The following DAB1 variants were observed in gnomAD, a reference collection of about 807,000 sequenced individuals.
DAB1 encodes the protein DAB adaptor protein 1.
Under a neutral mutation model 64.6 loss-of-function variants are expected in DAB1, and 15 were observed. The observed-to-expected ratio is 0.23, with a 90% confidence interval of 0.16 to 0.36. DAB1 has a LOEUF of 0.36. DAB1 is among the 10% of genes least tolerant of loss of function. The pLI is 1.00. For missense variants in DAB1, 596 were observed against 706.7 expected (o/e 0.84, Z 1.78); for synonymous variants, 235 against 251.9 (o/e 0.93, Z 0.64).
chr1:57,872,309 G>T (rs1314144081), intron 1 of DAB1, among the ~76,000 whole-genome samples: 1 of 152,052 alleles, frequency 6.6e-6, no homozygotes, highest in East Asian at 1.9e-4. Context: ...CTTATGAACA[G>T]AATTAGTGCC....
In DAB1 at chr1:57,868,353, T is replaced by A. The variant is rs145415076; in HGVS notation, n.87+15646A>T. Among the ~76,000 whole-genome samples, 3 of 152,298 alleles carry A rather than the reference T, an allele frequency of 2.0e-5. No individual in the cohort carries two copies. The East Asian group carries it at 5.8e-4, about 29-fold the overall frequency. On this transcript the variant is annotated intron_variant and non_coding_transcript_variant, in intron 1 of 1. Transcript: ENST00000477280. Reference sequence around the variant, plus strand: ...GCAACTAGACTGATTTCTTTCGTGCTGGGAGGTCATTTGCAATGGAAAGAT... The same window carrying A: ...GCAACTAGACTGATTTCTTTCGTGCAGGGAGGTCATTTGCAATGGAAAGAT...
intron 3 of DAB1, among the ~76,000 whole-genome samples, chr1:58,408,198 T>C (rs775089334): frequency 6.6e-6 from 1 of 152,198 alleles, no homozygotes; most frequent in Non-Finnish European, 1.5e-5. Context: ...GACCCAGTGA[T>C]CTGACAGAGA....
chr1:58,469,911 T>TTTTCA (rs1336305400), intron 3 of DAB1, among the ~76,000 whole-genome samples: 2 of 151,996 alleles, frequency 1.3e-5, no homozygotes, highest in Non-Finnish European at 2.9e-5. Context: ...TTTAAATTTG[T>TTTTCA]GAAATTCTTT....
At position 57,322,014 on chromosome 1, in the gene DAB1, T is replaced by G. The variant is rs144694481; in HGVS notation, c.-136-30848A>C. On this transcript the variant is annotated intron_variant, in intron 1 of 14. Coordinates refer to ENST00000371236, the MANE Select transcript of DAB1 (RefSeq NM_001365792.1). ...TCTCACTGGCACAAAGTCTTTCCGATGTTGAGCCAAAATCTGCCTCCATGA... is the reference window on the plus strand; with the variant it reads ...TCTCACTGGCACAAAGTCTTTCCGAGGTTGAGCCAAAATCTGCCTCCATGA... Among the ~76,000 whole-genome samples, 12 of 152,298 alleles carry G rather than the reference T, an allele frequency of 7.9e-5. No individual in the cohort carries two copies. The East Asian group carries it at 2.1e-3, about 27-fold the overall frequency.
At chr1:57,427,070 A>T (rs1044713744), upstream of DAB1, among the ~76,000 whole-genome samples, 2 of 151,840 alleles carry the variant, frequency 1.3e-5, no homozygotes, top group African/African-American at 4.8e-5. Context: ...TCACTGTGTT[A>T]GCCAGGATGG....
intron 7 of DAB1, among the ~76,000 whole-genome samples, chr1:57,461,544 T>C (rs1042816811): frequency 6.6e-6 from 1 of 152,194 alleles, no homozygotes; most frequent in African/African-American, 2.4e-5. Flanking sequence ...CACATTATGT[T>C]CTACTAGGAA....
chr1:57,533,463 A>G (rs947239), intron 7 of DAB1, among the ~76,000 whole-genome samples: 107,563 of 150,906 alleles, frequency 0.71, 38,616 homozygotes, highest in South Asian at 0.8. Context: ...TAAAATAGTG[A>G]TAAAACAAAG....
In DAB1 at chr1:58,372,591, C is replaced by T. The variant is rs146307902; in HGVS notation, n.258-29188G>A. On this transcript the variant is annotated intron_variant and non_coding_transcript_variant, in intron 3 of 20. Coordinates refer to the DAB1 transcript ENST00000485760. ...AAAAGGACATGAGATTTGGAAGAAGCCAGGAGAAGAATAATATGGTTTGTC... is the reference window on the plus strand; with the variant it reads ...AAAAGGACATGAGATTTGGAAGAAGTCAGGAGAAGAATAATATGGTTTGTC... Among the ~76,000 whole-genome samples, 665 of 152,190 alleles carry T rather than the reference C, an allele frequency of 4.4e-3. 4 individuals are homozygous for T. Among genetic ancestry groups the T allele is most frequent in the African/African-American group, 0.015 (631 of 41,538 alleles).
At chr1:57,290,921 T>C in intron 2 of DAB1, 43 bp downstream of exon 2, 1 of 1,270,988 alleles carries the variant, frequency 7.9e-7, no homozygotes, top group Non-Finnish European at 1.1e-6. Context: ...CTCATTCCTG[T>C]GCAGAAAAGT....
At chr1:57,233,873 C>T (rs1180392473) in intron 2 of DAB1, among the ~76,000 whole-genome samples, 1 of 151,952 alleles carries the variant, frequency 6.6e-6, no homozygotes, top group Non-Finnish European at 1.5e-5. Context: ...GGAGGTAGGG[C>T]ACTGGGAGCT....
chr1:58,516,157 AT>A (rs746886186), intron 2 of DAB1, among the ~76,000 whole-genome samples: 1 of 152,080 alleles, frequency 6.6e-6, no homozygotes. Context: ...AACATCAATA[AT>A]TCCCCCCACT....
chr1:58,506,740 A>G (rs539095621), intron 2 of DAB1, among the ~76,000 whole-genome samples: 7 of 152,324 alleles, frequency 4.6e-5, no homozygotes, highest in African/African-American at 1.7e-4. Flanking sequence ...CTTCTATGCC[A>G]CTAGAACAAT....
chr1:58,174,308 A>G (rs1319531811), intron 4 of DAB1, among the ~76,000 whole-genome samples: 1 of 152,102 alleles, frequency 6.6e-6, no homozygotes, highest in Non-Finnish European at 1.5e-5. Flanking sequence ...CCATCTTGCT[A>G]TTACTCACCT....
At chr1:57,822,341 C>T (rs1033090038), downstream of DAB1, among the ~76,000 whole-genome samples, 1 of 152,074 alleles carries the variant, frequency 6.6e-6, no homozygotes, top group Non-Finnish European at 1.5e-5. Context: ...ACTTTAAAGA[C>T]CACAGAGAAG....
chr1:58,175,250 CT>C (rs1280539086), intron 4 of DAB1, among the ~76,000 whole-genome samples: 3 of 152,330 alleles, frequency 2.0e-5, no homozygotes, highest in African/African-American at 7.2e-5. Context: ...GATGCACCAC[CT>C]TTAAGAGCTG....
chr1:57,254,998 C>G (rs955553442), intron 2 of DAB1, among the ~76,000 whole-genome samples: 2 of 152,052 alleles, frequency 1.3e-5, no homozygotes, highest in African/African-American at 4.8e-5. Flanking sequence ...AGGCAAAAGA[C>G]TACTATTTTT....
chr1:58,106,081 TTTCCTTCCTTCCTTCCTTCC>T (rs3053675), intron 5 of DAB1, among the ~76,000 whole-genome samples: 4 of 150,638 alleles, frequency 2.7e-5, no homozygotes, highest in African/African-American at 9.8e-5. Context: ...TGTTTTTTGT[TTTCCTTCCTTCCTTCCTTCC>T]TTCCTTCCTT....
chr1:57,928,669 C>G (rs116558797), intron 5 of DAB1, among the ~76,000 whole-genome samples: 1 of 152,170 alleles, frequency 6.6e-6, no homozygotes, highest in Non-Finnish European at 1.5e-5. Flanking sequence ...AAAGTTTTGC[C>G]TTTTCCACAA....
At position 57,162,138 on chromosome 1, in the gene DAB1, C is replaced by T. The variant is rs533660673; in HGVS notation, c.68-16709G>A. 1.8e-4 allele frequency among the ~76,000 whole-genome samples: 28 copies of T among 152,320 alleles called. No homozygotes were observed. The South Asian group carries it at 3.5e-3, about 19-fold the overall frequency. ...GAGAATGCCTCCTTGGAGCCTTTCA[C>T]GCTTATCAGAGTTGTTGCTTCATCA... On this transcript the variant is annotated intron_variant, in intron 2 of 14. Coordinates refer to ENST00000371236, the MANE Select transcript of DAB1 (RefSeq NM_001365792.1).
Sources: allele counts gnomAD v4.1 joint callset (sites outside exome capture counted in the v4.1 genomes callset), GRCh38; gene constraint gnomAD v4.1.1; transcripts MANE v1.5; gene names NCBI Gene and HGNC (gene_info 2026-07-23, HGNC 2026-07-21).